The following MARK1 variants were observed in gnomAD, a reference collection of about 807,000 sequenced individuals.
The protein encoded by MARK1 is serine/threonine-protein kinase MARK1.
Under a neutral mutation model 96.3 loss-of-function variants are expected in MARK1, and 40 were observed. That is an observed-to-expected ratio of 0.42 (90% CI 0.32 to 0.54). MARK1 has a LOEUF of 0.54. Ranked by LOEUF, MARK1 falls within the 20% of genes least tolerant of loss-of-function variation. MARK1 has a pLI of 0.16. For synonymous variants in MARK1, 317 were observed against 341.2 expected, an observed-to-expected ratio of 0.93 and a Z score of 0.78; for missense variants, 719 against 984.6, an observed-to-expected ratio of 0.73 and a Z score of 3.61.
At chr1:220,565,984 T>C (rs1236442544) in intron 1 of MARK1, among the ~76,000 whole-genome samples, 1 of 152,210 alleles carries the variant, frequency 6.6e-6, no homozygotes. Context: ...ATAGGTCTTA[T>C]AGTAAGATGG....
At chr1:220,657,628 A>G (rs1669245684) in intron 16 of MARK1, among the ~76,000 whole-genome samples, 162 bp from the exon 17 acceptor site, 1 of 152,260 alleles carries the variant, frequency 6.6e-6, no homozygotes, top group Non-Finnish European at 1.5e-5. Context: ...ACATGCGGTT[A>G]TGGTGAAAAA....
intron 1 of MARK1, among the ~76,000 whole-genome samples, chr1:220,544,213 G>A (rs553174751): frequency 3.9e-5 from 6 of 152,198 alleles, no homozygotes; most frequent in South Asian, 2.1e-4. Context: ...GATGGCAACC[G>A]AAAAAGGAGT....
chr1:220,533,885 TA>T (rs1288067594), intron 1 of MARK1, among the ~76,000 whole-genome samples: 1 of 152,188 alleles, frequency 6.6e-6, no homozygotes, highest in Admixed American at 6.5e-5. Flanking sequence ...ACCTGTCATT[TA>T]TTTTTTTCCT....
chr1:220,568,525 ATTG>A (rs1300399843), intron 1 of MARK1, among the ~76,000 whole-genome samples: 2 of 152,260 alleles, frequency 1.3e-5, no homozygotes, highest in South Asian at 2.1e-4. Context: ...GTCTTACCTT[ATTG>A]GTCATATAAG....
At chr1:220,586,645 G>C (rs766898136) in intron 3 of MARK1, among the ~76,000 whole-genome samples, 1 of 152,050 alleles carries the variant, frequency 6.6e-6, no homozygotes, top group Non-Finnish European at 1.5e-5. Context: ...TTTAATAGCT[G>C]CAAAGCATCC....
chr1:220,657,724 G>T, intron 16 of MARK1, 66 bp from the exon 17 acceptor site: 1 of 1,153,000 alleles, frequency 8.7e-7, no homozygotes, highest in Non-Finnish European at 1.2e-6. Flanking sequence ...AATAATTTTA[G>T]ATATAGGTTT....
At position 220,604,929 on chromosome 1, in the gene MARK1, A is replaced by G. The variant is rs371274694; in HGVS notation, c.495+792A>G. Among the ~76,000 whole-genome samples the G allele has an allele frequency of 5.3e-5, 8 of 152,292 alleles. No individual in the cohort carries two copies. The East Asian group carries it at 1.5e-3, about 29-fold the overall frequency. On this transcript the variant is annotated intron_variant, in intron 6 of 17. Coordinates refer to ENST00000366917, the MANE Select transcript of MARK1 (RefSeq NM_018650.5). Reference sequence around the variant, plus strand: ...TTAAGTGGATAATTTACTATATCCTAAACTTTTATTAAATTTAGAATTTTA... The same window carrying G: ...TTAAGTGGATAATTTACTATATCCTGAACTTTTATTAAATTTAGAATTTTA...
intron 9 of MARK1, chr1:220,626,056 G>A: frequency 5.2e-6 from 3 of 576,912 alleles, no homozygotes; most frequent in South Asian, 4.6e-5. Context: ...TGGCCTGTTT[G>A]AATTCTTACA....
chr1:220,578,592 G>GT (rs1294197125), intron 1 of MARK1, among the ~76,000 whole-genome samples: 1 of 152,182 alleles, frequency 6.6e-6, no homozygotes, highest in African/African-American at 2.4e-5. Flanking sequence ...AGTTCTTTGA[G>GT]TTATATGCCC....
At position 220,558,178 on chromosome 1, in the gene MARK1, T is replaced by TA. The variant is rs1240086683; in HGVS notation, c.52-21175dup. Among the ~76,000 whole-genome samples the TA allele has an allele frequency of 2.6e-3, 369 of 141,452 alleles. 1 individual carries two copies. The highest frequency in any genetic ancestry group is 4.8e-3 in the African/African-American group (190 of 39,226). The allele number at this position is 141,452 out of a possible 152,430, so 92.8% of individuals were successfully genotyped here. A position where few individuals can be genotyped will look rare whatever the true frequency, so the allele number is the denominator to read the frequency against. On this transcript the variant is annotated intron_variant, in intron 1 of 17. Transcript: ENST00000366917. ...ATAATAATAATAATAATAATAATAA[T>TA]ATGGGAAATGGCAGGGGAAACATTG...
chr1:220,661,061 GAGA>G (rs1171854909), intron 17 of MARK1, among the ~76,000 whole-genome samples: 1 of 152,236 alleles, frequency 6.6e-6, no homozygotes, highest in Non-Finnish European at 1.5e-5. Context: ...GCCATCTGGG[GAGA>G]AGCATTCATG....
At chr1:220,653,987 G>C (rs1284900419) in intron 16 of MARK1, among the ~76,000 whole-genome samples, 4 of 152,252 alleles carry the variant, frequency 2.6e-5, no homozygotes, top group Non-Finnish European at 5.9e-5. Context: ...GCAGGCTGAT[G>C]TGGATTTCAT....
At chr1:220,592,583 C>A (rs1558283272) in intron 3 of MARK1, among the ~76,000 whole-genome samples, 1 of 152,128 alleles carries the variant, frequency 6.6e-6, no homozygotes, top group Non-Finnish European at 1.5e-5. Context: ...TTAAGTCAGG[C>A]TTGGAATACT....
chr1:220,611,579 G>T (rs922944101), intron 6 of MARK1, among the ~76,000 whole-genome samples: 14 of 152,172 alleles, frequency 9.2e-5, no homozygotes, highest in African/African-American at 3.1e-4. Context: ...TGTCCAGCCA[G>T]TCCCAGTGAG....
intron 1 of MARK1, among the ~76,000 whole-genome samples, chr1:220,535,722 T>C (rs1345932204): frequency 1.3e-5 from 2 of 152,176 alleles, no homozygotes; most frequent in Non-Finnish European, 1.5e-5. Context: ...GTGTCATTCT[T>C]TTGCATATAT....
chr1:220,563,558 G>A (rs1004372533), intron 1 of MARK1, among the ~76,000 whole-genome samples: 1 of 152,136 alleles, frequency 6.6e-6, no homozygotes, highest in Admixed American at 6.5e-5. Flanking sequence ...GTTATGTGAA[G>A]AAAATAAAGG....
At chr1:220,653,808 C>T (rs921513369) in intron 16 of MARK1, among the ~76,000 whole-genome samples, 12 of 152,082 alleles carry the variant, frequency 7.9e-5, no homozygotes, top group Non-Finnish European at 1.6e-4. Flanking sequence ...AATTTTACAT[C>T]ATAAAACCTT....
chr1:220,547,536 C>G (rs1661584752), intron 1 of MARK1, among the ~76,000 whole-genome samples: 2 of 152,048 alleles, frequency 1.3e-5, no homozygotes. Flanking sequence ...TTTGTATGTA[C>G]TTTGTGACAG....
chr1:220,619,439 A>G (rs921036161), intron 9 of MARK1, among the ~76,000 whole-genome samples: 3 of 152,188 alleles, frequency 2.0e-5, no homozygotes, highest in Non-Finnish European at 4.4e-5. Context: ...ACGCCACTGC[A>G]CTCCAGCCTG....
Sources: gnomAD v4.1 joint callset for allele counts (sites outside exome capture counted in the v4.1 genomes callset) on GRCh38, gnomAD v4.1.1 for gene constraint, MANE v1.5 for transcripts, NCBI Gene and HGNC (gene_info 2026-07-23, HGNC 2026-07-21) for gene names.